The following DNAH1 variants were observed in gnomAD, a reference collection of about 807,000 sequenced individuals.
The protein encoded by DNAH1 is axonemal beta dynein heavy chain 1.
DNAH1 carries 327 observed loss-of-function variants against 484.3 expected under a neutral mutation model. The ratio of observed to expected loss-of-function variants is 0.68; its 90% confidence interval spans 0.62 to 0.74. DNAH1 has a LOEUF of 0.74. Ranked by LOEUF, DNAH1 falls within the 30% of genes least tolerant of loss-of-function variation. The probability of loss-of-function intolerance (pLI) is 0.00; values close to 1 mark genes in which losing one functional copy is unlikely to be tolerated. For missense variants in DNAH1, 5,052 were observed against 5,546.8 expected (o/e 0.91, Z 2.83); for synonymous variants, 2,192 against 2,191.9 (o/e 1.00, Z 0.00).
Position 52,349,214 on chromosome 3 carries a change from C to T in DNAH1, c.2320C>T (p.Leu774=), listed in dbSNP as rs1290837923. 1 of 1,613,752 alleles carries T rather than the reference C, an allele frequency of 6.2e-7. No homozygotes were observed. The change falls in exon 14 of 78, where the codon CTG becomes TTG. Residue 774 remains leucine, a synonymous_variant. Coordinates refer to ENST00000420323, the MANE Select transcript of DNAH1 (RefSeq NM_015512.5). ...CCTCAGAACCTACCAGACGCAGGGC[C>T]TGTTGGCCCAGGAGGTGCGGGAGGT... ...SFLKTYQTQG[L]LAQEVREVVL...
chr3:52,338,871 CA>C (rs56904725), intron 8 of DNAH1, among the ~76,000 whole-genome samples: 4,004 of 77,980 alleles, frequency 0.051, 71 homozygotes, highest in Non-Finnish European at 0.074. Context: ...ACTAAAAATA[CA>C]AAAAAAAAAA....
In DNAH1 at chr3:52,323,889, T is replaced by G; in HGVS notation, c.406+9T>G. 6.4e-7 allele frequency: 1 copy of G among 1,565,984 alleles called. No individual in the cohort carries two copies. Among genetic ancestry groups the G allele is most frequent in the Non-Finnish European group, 8.7e-7 (1 of 1,154,774 alleles). On this transcript the variant is annotated intron_variant, in intron 3 of 77. Coordinates refer to ENST00000420323, the MANE Select transcript of DNAH1 (RefSeq NM_015512.5). ...CAAGTTCACCCCAAGAGGTCAGTGCTCAGGAGGGCTGTGTGAGTGGGTCCC... is the reference window on the plus strand; with the variant it reads ...CAAGTTCACCCCAAGAGGTCAGTGCGCAGGAGGGCTGTGTGAGTGGGTCCC...
At position 52,369,869 on chromosome 3, in the gene DNAH1, A is replaced by G. The variant is rs61753436; in HGVS notation, c.5988A>G (p.Ser1996=). The change falls in exon 38 of 78, where the codon TCA becomes TCG. Residue 1996 remains serine, a synonymous_variant. Coordinates refer to ENST00000420323, the MANE Select transcript of DNAH1 (RefSeq NM_015512.5). ...MFEVQDLAVA[S]PATVSRCGMV... The stretch of plus-strand genomic sequence containing the variant: ...AGGTGCAAGACCTGGCGGTGGCTTC[A>G]CCAGCTACAGTCTCCCGCTGTGGCA... 6.2e-7 allele frequency: 1 copy of G among 1,613,024 alleles called. No homozygotes were observed. Among genetic ancestry groups the G allele is most frequent in the East Asian group, 2.2e-5 (1 of 44,826 alleles).
In DNAH1 at chr3:52,326,295, C is replaced by T. The variant is rs368210345; in HGVS notation, c.562C>T (p.Arg188Cys). The T allele has an allele frequency of 1.2e-5, 20 of 1,608,830 alleles. No individual in the cohort carries two copies. Among genetic ancestry groups the T allele is most frequent in the Admixed American group, 6.7e-5 (4 of 59,982 alleles). ...PFQVLPGQHP[R>C]KIEIERRKQQ... The stretch of plus-strand genomic sequence containing the variant: ...CCAGGTGCTGCCAGGCCAGCATCCT[C>T]GCAAGATTGAGATCGAGAGGTACGG... The change falls in exon 4 of 78, where the codon CGC becomes TGC. Residue 188 changes from arginine (R) to cysteine (C), a missense_variant. Physicochemically the swap from Arg to Cys is radical, Grantham distance 180 (BLOSUM62 -3). Coordinates refer to ENST00000420323, the MANE Select transcript of DNAH1 (RefSeq NM_015512.5).
intron 44 of DNAH1, chr3:52,374,626 T>C (rs1360426217): frequency 2.0e-6 from 3 of 1,491,030 alleles, no homozygotes; most frequent in Non-Finnish European, 2.8e-6. Context: ...GAATACATCA[T>C]GAGTTTAATC....
In DNAH1 at chr3:52,395,169, T is replaced by C; in HGVS notation, c.10968+110T>C. On this transcript the variant is annotated intron_variant, in intron 68 of 77. Transcript: ENST00000420323. The surrounding 1 kb of genome is among the most constrained non-coding windows in gnomAD (Gnocchi z 4.4). Reference sequence around the variant, plus strand: ...TACTTGGCCAGGCCAGGACCCCTGCTTGCTCCCTAAAGGCTCTGAGGTTCC... The same window carrying C: ...TACTTGGCCAGGCCAGGACCCCTGCCTGCTCCCTAAAGGCTCTGAGGTTCC... 7 of 1,499,900 alleles carry C rather than the reference T, an allele frequency of 4.7e-6. No individual in the cohort carries two copies. The highest frequency in any genetic ancestry group is 6.3e-6 in the Non-Finnish European group (7 of 1,117,390). 92.9% of individuals were successfully genotyped at this position (1,499,900 alleles called of 1,614,324 possible).
In DNAH1 at chr3:52,326,654, C is replaced by G. The variant is rs1040483603; in HGVS notation, c.582-81C>G. On this transcript the variant is annotated intron_variant, in intron 4 of 77. Coordinates refer to ENST00000420323, the MANE Select transcript of DNAH1 (RefSeq NM_015512.5). ...TCGGCCACACCCCTGTCCCCACAAC[C>G]CCGTAGGCCCTTGTGGACACCCATG... The G allele has an allele frequency of 6.0e-6, 9 of 1,499,350 alleles. No homozygotes were observed. In the Admixed American group the frequency reaches 1.7e-4, roughly 28 times the overall value. 92.9% of individuals were successfully genotyped at this position (1,499,350 alleles called of 1,614,324 possible). A position where few individuals can be genotyped will look rare whatever the true frequency, so the allele number is the denominator to read the frequency against.
rs774092199 is a variant in DNAH1, at chr3:52,395,446, A to G, written c.11107A>G (p.Ile3703Val). The G allele has an allele frequency of 1.2e-6, 2 of 1,613,900 alleles. No homozygotes were observed. Among genetic ancestry groups the G allele is most frequent in the South Asian group, 1.1e-5 (1 of 91,084 alleles). The change falls in exon 69 of 78, where the codon ATC becomes GTC. Residue 3703 changes from isoleucine to valine, a missense_variant. Ile to Val is a conservative substitution (Grantham distance 29). Around this residue, in one of 4 missense-constraint regions of DNAH1, gnomAD observed 853 missense variants for 899.0 expected, o/e 0.95. Coordinates refer to ENST00000420323, the MANE Select transcript of DNAH1 (RefSeq NM_015512.5). The surrounding 1 kb of genome is among the most constrained non-coding windows in gnomAD (Gnocchi z 4.4). The stretch of plus-strand genomic sequence containing the variant: ...GAAGTTCTCCAAAAAGCTCTCTGCC[A>G]TCTCCCTGGGCCAGGGGCAGGTCAG... ...EMKFSKKLSA[I>V]SLGQGQGPRA... is the part of the protein sequence containing the mutation.
At chr3:52,322,812 C>G in intron 2 of DNAH1, 37 bp downstream of exon 2, 1 of 1,540,064 alleles carries the variant, frequency 6.5e-7, no homozygotes, top group Non-Finnish European at 8.8e-7. Flanking sequence ...AGCCTCAACC[C>G]TTCCTCTGGG....
Position 52,379,339 on chromosome 3 carries a change from T to C in DNAH1, c.7377+559T>C, listed in dbSNP as rs1009325713. ...GGGTGAGCAGGACAGAAGCTGACCC[T>C]GGCCTTGTAGCCACGCTTGTAGCCA... On this transcript the variant is annotated intron_variant, in intron 47 of 77. Transcript: ENST00000420323. This position sits in a 1 kb window ranked among gnomAD's most constrained non-coding sequence, Gnocchi z 4.4. Among the ~76,000 whole-genome samples, 1 of 152,162 alleles carries C rather than the reference T, an allele frequency of 6.6e-6. No homozygotes were observed. The highest frequency in any genetic ancestry group is 1.5e-5 in the Non-Finnish European group (1 of 68,030).
At chr3:52,314,072 C>G (rs1397538945), upstream of DNAH1, among the ~76,000 whole-genome samples, 1 of 152,152 alleles carries the variant, frequency 6.6e-6, no homozygotes. Flanking sequence ...CTCAGCAAAC[C>G]CAGGCTCCCT....
intron 14 of DNAH1, among the ~76,000 whole-genome samples, 190 bp downstream of exon 14, chr3:52,349,610 G>C (rs1184441017): frequency 2.6e-5 from 4 of 152,196 alleles, no homozygotes; most frequent in Non-Finnish European, 5.9e-5. Context: ...GTCCTGTATG[G>C]GAGGTCCCAG....
rs1445836076 is a variant in DNAH1 at position 52,395,177 on chromosome 3, T to TA, written c.10968+121dup. ...CAGGCCAGGACCCCTGCTTGCTCCC[T>TA]AAAGGCTCTGAGGTTCCAGCCCCCA... is the stretch of plus-strand genomic sequence containing the variant. On this transcript the variant is annotated intron_variant, in intron 68 of 77. Coordinates refer to ENST00000420323, the MANE Select transcript of DNAH1 (RefSeq NM_015512.5). This position sits in a 1 kb window ranked among gnomAD's most constrained non-coding sequence, Gnocchi z 4.4. The TA allele has an allele frequency of 3.3e-6, 5 of 1,495,438 alleles. No individual in the cohort carries two copies. Among genetic ancestry groups the TA allele is most frequent in the Admixed American group, 4.2e-5 (2 of 47,330 alleles). The allele number at this position is 1,495,438 out of a possible 1,614,324, so 92.6% of individuals were successfully genotyped here. A position where few individuals can be genotyped will look rare whatever the true frequency, so the allele number is the denominator to read the frequency against.
Position 52,345,650 on chromosome 3 carries a change from T to A in DNAH1, c.1600T>A (p.Ser534Thr), listed in dbSNP as rs750050156. Residue 534 changes from serine to threonine, a missense_variant, in exon 10 of 78, where the codon TCC becomes ACC. Coordinates refer to ENST00000420323, the MANE Select transcript of DNAH1 (RefSeq NM_015512.5). ...TAMSLFHSSL[S>T]KYSHLEEFEQ... ...CATGTCCCTGTTCCACTCGAGCCTCTCCAAGTACAGCCACCTGGAGGAATT... is the reference window on the plus strand; with the variant it reads ...CATGTCCCTGTTCCACTCGAGCCTCACCAAGTACAGCCACCTGGAGGAATT... 1.2e-5 allele frequency: 19 copies of A among 1,612,788 alleles called. No homozygotes were observed. Among genetic ancestry groups the A allele is most frequent in the Non-Finnish European group, 1.6e-5 (19 of 1,179,462 alleles).
At chr3:52,383,120 A>G (rs1578182840) in intron 50 of DNAH1, among the ~76,000 whole-genome samples, 1 of 152,186 alleles carries the variant, frequency 6.6e-6, no homozygotes. Context: ...AGACATGGAG[A>G]GGGGCGAAGA....
chr3:52,394,823 C>G, intron 67 of DNAH1, 92 bp from the exon 68 acceptor site: 1 of 1,529,690 alleles, frequency 6.5e-7, no homozygotes, highest in Non-Finnish European at 8.8e-7. Flanking sequence ...GGATAGCCCA[C>G]TCTCCCCAGC....
chr3:52,365,797 T>A (rs1703048478), intron 34 of DNAH1, among the ~76,000 whole-genome samples: 1 of 152,162 alleles, frequency 6.6e-6, no homozygotes, highest in African/African-American at 2.4e-5. Flanking sequence ...TTCAATTCCA[T>A]GTGCAGCTCG....
chr3:52,349,560 G>A, intron 14 of DNAH1, 140 bp downstream of exon 14: 2 of 817,260 alleles, frequency 2.4e-6, no homozygotes, highest in South Asian at 1.7e-5. Flanking sequence ...GAAGGAGCTG[G>A]AAATCACCCT....
At position 52,357,457 on chromosome 3, in the gene DNAH1, G is replaced by A. The variant is rs57849650; in HGVS notation, c.3859-157G>A. Among the ~76,000 whole-genome samples the A allele has an allele frequency of 0.12, 17,640 of 152,226 alleles. 1,133 individuals are homozygous for A. The highest frequency in any genetic ancestry group is 0.15 in the African/African-American group (6,285 of 41,520). On this transcript the variant is annotated intron_variant, in intron 22 of 77. Coordinates refer to ENST00000420323, the MANE Select transcript of DNAH1 (RefSeq NM_015512.5). ...ACCGTAGAATTTTTTCTGTGGGGCT[G>A]ATGGTTGCAGCCACTGGCTCAGGGA... is the stretch of plus-strand genomic sequence containing the variant.
Sources: allele counts gnomAD v4.1 joint callset (sites outside exome capture counted in the v4.1 genomes callset), GRCh38; gene constraint gnomAD v4.1.1; regional missense constraint gnomAD v4.1.1; non-coding constraint Gnocchi (gnomAD v3.1); transcripts MANE v1.5; gene names NCBI Gene and HGNC (gene_info 2026-07-23, HGNC 2026-07-21).